FARS2: variants seen among roughly 807,000 people sequenced by gnomAD.
FARS2 encodes phenylalanyl-tRNA synthetase 2, mitochondrial.
Under a neutral mutation model 46.4 loss-of-function variants are expected in FARS2, and 40 were observed. The observed-to-expected ratio is 0.86, with a 90% CI of 0.67 to 1.12. The LOEUF (loss-of-function observed/expected upper bound fraction) is 1.12. Ranked by LOEUF, FARS2 falls within the 50% of genes most tolerant of loss-of-function variation. The pLI is 0.00. For missense variants in FARS2, 513 were observed against 567.9 expected, an observed-to-expected ratio of 0.90 and a Z score of 0.98; for synonymous variants, 234 against 214.9, an observed-to-expected ratio of 1.09 and a Z score of -0.78.
At chr6:5,548,386 A>C (rs1292996445) in intron 5 of FARS2, among the ~76,000 whole-genome samples, 1 of 152,228 alleles carries the variant, frequency 6.6e-6, no homozygotes, top group East Asian at 1.9e-4. Context: ...CTATGTATAT[A>C]TGCATATATT....
chr6:5,407,719 A>C (rs185552350), intron 3 of FARS2, among the ~76,000 whole-genome samples: 177 of 152,294 alleles, frequency 1.2e-3, no homozygotes, highest in Middle Eastern at 6.8e-3. Flanking sequence ...GATATATTTC[A>C]TTAAAATGGC....
At chr6:5,492,369 A>G (rs2150363129) in intron 4 of FARS2, among the ~76,000 whole-genome samples, 2 of 152,364 alleles carry the variant, frequency 1.3e-5, no homozygotes, top group Non-Finnish European at 2.9e-5. Context: ...ATTTATTAAG[A>G]TAGTGTATAT....
At chr6:5,562,695 TACACACAC>T (rs35980009) in intron 5 of FARS2, among the ~76,000 whole-genome samples, 3 of 135,698 alleles carry the variant, frequency 2.2e-5, no homozygotes, top group African/African-American at 6.0e-5. Flanking sequence ...CTGTAATTTA[TACACACAC>T]ACACACACAC....
Position 5,613,266 on chromosome 6 carries a change from T to C in FARS2, c.1163T>C (p.Ile388Thr), listed in dbSNP as rs1407198979. ...GATTTCTATGACTTAGTCCGAACAA[T>C]TGGAGGAGACCTGGTGGAAAAGGTT... ...ENDFYDLVRT[I>T]GGDLVEKVDL... The change falls in exon 6 of 7, where the codon ATT becomes ACT. Residue 388 changes from isoleucine (I) to threonine (T), a missense_variant. Ile to Thr is a moderately conservative substitution (Grantham distance 89, BLOSUM62 -1). Coordinates refer to ENST00000274680, the MANE Select transcript of FARS2 (RefSeq NM_006567.5). 2.5e-6 allele frequency: 4 copies of C among 1,613,504 alleles called. No homozygotes were observed. Among genetic ancestry groups the C allele is most frequent in the East Asian group, 2.2e-5 (1 of 44,814 alleles).
intron 4 of FARS2, among the ~76,000 whole-genome samples, chr6:5,436,868 T>G (rs901015630): frequency 2.0e-5 from 3 of 152,250 alleles, no homozygotes; most frequent in Non-Finnish European, 4.4e-5. Context: ...TTGAAAACCC[T>G]ATCTATAGCA....
chr6:5,364,615 T>G (rs746314226), intron 1 of FARS2, among the ~76,000 whole-genome samples: 1 of 152,222 alleles, frequency 6.6e-6, no homozygotes, highest in Non-Finnish European at 1.5e-5. Context: ...AGTGAGTATT[T>G]AGGCTTTGTG....
chr6:5,533,780 C>T (rs1770009753), intron 4 of FARS2, among the ~76,000 whole-genome samples: 2 of 152,274 alleles, frequency 1.3e-5, no homozygotes, highest in Admixed American at 1.3e-4. Context: ...GGACCTGAAA[C>T]AGATGGAAGA....
chr6:5,697,486 T>A (rs980188548), intron 6 of FARS2, among the ~76,000 whole-genome samples: 1 of 152,246 alleles, frequency 6.6e-6, no homozygotes, highest in South Asian at 2.1e-4. Context: ...AAAGAAAAAA[T>A]TGGGCTCTAA....
chr6:5,431,038 C>T lies in FARS2; in HGVS notation c.773-3C>T. 6.2e-7 allele frequency: 1 copy of T among 1,612,736 alleles called. No homozygotes were observed. The highest frequency in any genetic ancestry group is 1.1e-5 in the South Asian group (1 of 90,836). ...CTTATTTGTTTCTTTGGCAACTTTG[C>T]AGAGCTGGAGATAAGATGGGTAGAC... On this transcript the variant is annotated splice_region_variant and splice_polypyrimidine_tract_variant and intron_variant, in intron 3 of 6. Coordinates refer to ENST00000274680, the MANE Select transcript of FARS2 (RefSeq NM_006567.5).
intron 1 of FARS2, among the ~76,000 whole-genome samples, chr6:5,317,512 G>T (rs965329053): frequency 3.3e-5 from 5 of 152,194 alleles, no homozygotes; most frequent in Non-Finnish European, 7.4e-5. Context: ...TGCGTGTGGT[G>T]GTTCATGCCT....
chr6:5,380,738 G>A (rs1303996688), intron 2 of FARS2, among the ~76,000 whole-genome samples: 4 of 152,070 alleles, frequency 2.6e-5, no homozygotes, highest in African/African-American at 4.8e-5. Flanking sequence ...CATTGTCTTC[G>A]CTCCGAGGCT....
At chr6:5,286,094 A>T (rs1200837348) in intron 1 of FARS2, among the ~76,000 whole-genome samples, 1 of 152,082 alleles carries the variant, frequency 6.6e-6, no homozygotes, top group Non-Finnish European at 1.5e-5. Flanking sequence ...TAAATACTTG[A>T]TTTCCAGACA....
At chr6:5,460,555 A>G (rs895637184) in intron 4 of FARS2, among the ~76,000 whole-genome samples, 2 of 152,100 alleles carry the variant, frequency 1.3e-5, no homozygotes, top group East Asian at 1.9e-4. Context: ...GTGTTGCTTT[A>G]TCTGCCACTT....
chr6:5,567,353 T>A (rs1010023854), intron 5 of FARS2, among the ~76,000 whole-genome samples: 1 of 152,236 alleles, frequency 6.6e-6, no homozygotes, highest in Non-Finnish European at 1.5e-5. Context: ...ATTTTTTAAT[T>A]GAGTTCTTTG....
At chr6:5,500,444 C>A (rs531698981) in intron 4 of FARS2, among the ~76,000 whole-genome samples, 1 of 152,340 alleles carries the variant, frequency 6.6e-6, no homozygotes, top group South Asian at 2.1e-4. Context: ...TAGTAAGCAT[C>A]TCTCCTGGAT....
intron 6 of FARS2, among the ~76,000 whole-genome samples, chr6:5,619,470 T>C (rs1775650881): frequency 6.6e-6 from 1 of 152,090 alleles, no homozygotes; most frequent in African/African-American, 2.4e-5. Flanking sequence ...GCTTCCTGAG[T>C]CTGTGCACTG....
At chr6:5,252,270 G>A in the FARS2 span, among the ~76,000 whole-genome samples, 9 of 152,170 alleles carry the variant, frequency 5.9e-5, no homozygotes, top group African/African-American at 1.9e-4. Context: ...TTGTGGAAGC[G>A]GCAGCCCACG....
intron 5 of FARS2, among the ~76,000 whole-genome samples, chr6:5,570,192 G>GA (rs980404909): frequency 6.7e-4 from 102 of 152,134 alleles, no homozygotes; most frequent in African/African-American, 2.4e-3. Flanking sequence ...AAAAGTGAAA[G>GA]AAAAAAGATA....
Position 5,375,165 on chromosome 6 carries a change from T to C in FARS2, c.612+5983T>C, listed in dbSNP as rs1369991054. Among the ~76,000 whole-genome samples the C allele has an allele frequency of 2.0e-5, 3 of 152,182 alleles. No homozygotes were observed. The East Asian group carries it at 5.8e-4, about 29-fold the overall frequency. On this transcript the variant is annotated intron_variant, in intron 2 of 6. Coordinates refer to ENST00000274680, the MANE Select transcript of FARS2 (RefSeq NM_006567.5). ...TTTATTTGTAGAGGATTTGATGCTTTACCTAGAAAAAGAATATACAGATCA... is the reference window on the plus strand; with the variant it reads ...TTTATTTGTAGAGGATTTGATGCTTCACCTAGAAAAAGAATATACAGATCA...
Sources: gnomAD v4.1 joint callset for allele counts (sites outside exome capture counted in the v4.1 genomes callset) on GRCh38, gnomAD v4.1.1 for gene constraint, MANE v1.5 for transcripts, NCBI Gene and HGNC (gene_info 2026-07-23, HGNC 2026-07-21) for gene names.